Variants in CDH18 observed in about 807,000 individuals in gnomAD.
CDH18 encodes cadherin 18, also known as cadherin-18.
Under a neutral mutation model 67.9 loss-of-function variants are expected in CDH18, and 31 were observed. The ratio of observed to expected loss-of-function variants is 0.46; its 90% CI spans 0.34 to 0.62. The LOEUF (loss-of-function observed/expected upper bound fraction) is 0.62. Ranked by LOEUF, CDH18 falls within the 20% of genes least tolerant of loss-of-function variation. The pLI is 0.01. For synonymous variants in CDH18, 362 were observed against 347.2 expected, an observed-to-expected ratio of 1.04 and a Z score of -0.48; for missense variants, 890 against 975.5, an observed-to-expected ratio of 0.91 and a Z score of 1.17.
chr5:19,900,754 TCTTA>T (rs1032925664), intron 2 of CDH18, among the ~76,000 whole-genome samples: 2 of 152,162 alleles, frequency 1.3e-5, no homozygotes, highest in Non-Finnish European at 2.9e-5. Context: ...GTTACTTTTG[TCTTA>T]CTATTTTCAA....
At chr5:20,504,852 C>A (rs1357875593) in intron 1 of CDH18, among the ~76,000 whole-genome samples, 1 of 142,290 alleles carries the variant, frequency 7.0e-6, no homozygotes, top group African/African-American at 2.6e-5. Context: ...ACTGCAGGCT[C>A]TGCCTCCCAG....
chr5:19,552,564 C>G (rs1561328886), intron 8 of CDH18, among the ~76,000 whole-genome samples: 1 of 152,152 alleles, frequency 6.6e-6, no homozygotes, highest in Non-Finnish European at 1.5e-5. Context: ...CAAACCCTAT[C>G]ACCACTACAT....
intron 5 of CDH18, among the ~76,000 whole-genome samples, chr5:19,695,752 T>C (rs1762455732): frequency 1.3e-5 from 2 of 152,170 alleles, no homozygotes; most frequent in Admixed American, 6.5e-5. Flanking sequence ...GCACTATGTA[T>C]AGCAACCTTT....
chr5:20,097,132 G>A lies in CDH18; in HGVS notation c.-517-105118C>T, dbSNP rs575003878. On this transcript the variant is annotated intron_variant, in intron 2 of 14. Coordinates refer to the CDH18 transcript ENST00000507958. ...AGATTGCACATGATCTATTTCTCCTGAATTTTCATGCATTTTATCTTTATT... is the reference window on the plus strand; with the variant it reads ...AGATTGCACATGATCTATTTCTCCTAAATTTTCATGCATTTTATCTTTATT... Among the ~76,000 whole-genome samples, 4 of 152,018 alleles carry A rather than the reference G, an allele frequency of 2.6e-5. 1 individual carries two copies. In the South Asian group the frequency reaches 8.3e-4, roughly 32 times the overall value.
At chr5:20,465,834 G>A (rs905944182) in intron 1 of CDH18, among the ~76,000 whole-genome samples, 2 of 151,926 alleles carry the variant, frequency 1.3e-5, no homozygotes, top group Non-Finnish European at 2.9e-5. Flanking sequence ...TACAGTCATC[G>A]CAACGCTCTG....
chr5:19,908,099 A>C (rs1448041542), intron 2 of CDH18, among the ~76,000 whole-genome samples: 1 of 152,066 alleles, frequency 6.6e-6, no homozygotes, highest in Non-Finnish European at 1.5e-5. Flanking sequence ...CTTGCTAAGG[A>C]AGTAAAAATC....
intron 5 of CDH18, among the ~76,000 whole-genome samples, chr5:19,639,320 C>T (rs10041829): frequency 0.038 from 5,805 of 152,050 alleles, 322 homozygotes; most frequent in African/African-American, 0.12. Flanking sequence ...GGAAGTTTAA[C>T]ATAGTAAGGA....
intron 2 of CDH18, among the ~76,000 whole-genome samples, chr5:19,841,571 C>CA (rs35296920): frequency 0.42 from 57,825 of 136,932 alleles, 11,619 homozygotes; most frequent in Middle Eastern, 0.58. Context: ...TCATGAATTT[C>CA]AAAAAAAAAA....
intron 1 of CDH18, among the ~76,000 whole-genome samples, chr5:20,456,125 T>C (rs1228573394): frequency 6.6e-6 from 1 of 152,044 alleles, no homozygotes; most frequent in Non-Finnish European, 1.5e-5. Flanking sequence ...CAAAACCTAG[T>C]AAAATTTTAG....
Position 19,892,749 on chromosome 5 carries a change from A to G in CDH18, c.-256-53507T>C, listed in dbSNP as rs535674479. ...ATAGAAAGGTACCGATTCCGAGAAC[A>G]TATGGGTGAGCTCATTTTCTAGGCC... On this transcript the variant is annotated intron_variant, in intron 2 of 12. Transcript: ENST00000382275. Among the ~76,000 whole-genome samples the G allele has an allele frequency of 2.6e-5, 4 of 152,258 alleles. No individual in the cohort carries two copies. The East Asian group carries it at 7.7e-4, about 29-fold the overall frequency.
chr5:20,282,344 G>A (rs1413374921), intron 1 of CDH18, among the ~76,000 whole-genome samples: 28 of 152,144 alleles, frequency 1.8e-4, no homozygotes, highest in Admixed American at 6.6e-5. Context: ...GATATTGGCT[G>A]TGGGTTTGTC....
intron 5 of CDH18, among the ~76,000 whole-genome samples, chr5:19,613,651 A>G (rs1749364256): frequency 6.6e-6 from 1 of 152,200 alleles, no homozygotes; most frequent in Non-Finnish European, 1.5e-5. Flanking sequence ...ACGCATACAT[A>G]AACACCCACC....
intron 2 of CDH18, among the ~76,000 whole-genome samples, chr5:19,998,193 G>T (rs182784078): frequency 6.6e-6 from 1 of 152,126 alleles, no homozygotes; most frequent in Admixed American, 6.5e-5. Context: ...CAATACATGG[G>T]GACCAGTTTA....
chr5:20,113,433 G>A (rs1213945905), intron 2 of CDH18, among the ~76,000 whole-genome samples: 2 of 151,706 alleles, frequency 1.3e-5, no homozygotes, highest in East Asian at 1.9e-4. Flanking sequence ...TTGTCTCCCC[G>A]CCCCACAACT....
chr5:19,948,571 A>T (rs1164015460), intron 2 of CDH18, among the ~76,000 whole-genome samples: 1 of 152,174 alleles, frequency 6.6e-6, no homozygotes, highest in African/African-American at 2.4e-5. Flanking sequence ...GGCTTGTGCT[A>T]GGGCAGTTCT....
intron 2 of CDH18, among the ~76,000 whole-genome samples, chr5:20,159,275 C>T (rs1383940537): frequency 1.3e-5 from 2 of 152,030 alleles, no homozygotes; most frequent in Non-Finnish European, 1.5e-5. Flanking sequence ...TTGGAGGATG[C>T]TAATGCGTCT....
At chr5:19,766,763 T>C (rs1773141766) in intron 3 of CDH18, among the ~76,000 whole-genome samples, 1 of 152,148 alleles carries the variant, frequency 6.6e-6, no homozygotes, top group Non-Finnish European at 1.5e-5. Flanking sequence ...TCAAACTAGA[T>C]AGTTTCTATT....
In CDH18 at chr5:19,817,689, C is replaced by A. The variant is rs546106358; in HGVS notation, c.228+21070G>T. Among the ~76,000 whole-genome samples, 6 of 152,140 alleles carry A rather than the reference C, an allele frequency of 3.9e-5. No individual in the cohort carries two copies. In the South Asian group the frequency reaches 1.2e-3, roughly 32 times the overall value. ...ACATTTGATCATTCTACTAGGCAGG[C>A]ACTATGACAGGTACTGTGTGTATAA... On this transcript the variant is annotated intron_variant, in intron 3 of 12. Transcript: ENST00000382275.
intron 5 of CDH18, among the ~76,000 whole-genome samples, chr5:19,633,818 G>A (rs1276190401): frequency 6.6e-6 from 1 of 152,016 alleles, no homozygotes; most frequent in Non-Finnish European, 1.5e-5. Flanking sequence ...TTTCAGTAGA[G>A]AAGGGGTTTC....
Sources: gnomAD v4.1 joint callset for allele counts (sites outside exome capture counted in the v4.1 genomes callset) on GRCh38, gnomAD v4.1.1 for gene constraint, MANE v1.5 for transcripts, NCBI Gene and HGNC (gene_info 2026-07-23, HGNC 2026-07-21) for gene names.